The following TSHZ3 variants were observed in gnomAD, a reference collection of about 807,000 sequenced individuals.
TSHZ3 encodes teashirt homolog 3.
In TSHZ3, 10 loss-of-function variants were observed where a neutral mutation model predicts 64.5. The observed-to-expected ratio is 0.16, with a 90% CI of 0.10 to 0.26. TSHZ3 has a LOEUF of 0.26. TSHZ3 is among the 10% of genes least tolerant of loss of function. The pLI is 1.00. For synonymous variants in TSHZ3, 608 were observed against 593.1 expected (o/e 1.03, Z -0.36); for missense variants, 1,242 against 1,421.7 (o/e 0.87, Z 2.03).
At chr19:31,241,307 T>G (rs1975685846) in intron 3 of TSHZ3, among the ~76,000 whole-genome samples, 1 of 152,184 alleles carries the variant, frequency 6.6e-6, no homozygotes, top group Non-Finnish European at 1.5e-5. Flanking sequence ...GGGCTTCAAT[T>G]TGGACTCTGT....
intron 4 of TSHZ3, among the ~76,000 whole-genome samples, chr19:31,206,282 T>C (rs1055344351): frequency 3.3e-5 from 5 of 151,148 alleles, no homozygotes; most frequent in African/African-American, 9.7e-5. Context: ...GATACGTAGA[T>C]GGATGGATGG....
intron 4 of TSHZ3, among the ~76,000 whole-genome samples, chr19:31,213,610 G>T (rs1018826981): frequency 6.6e-6 from 1 of 152,120 alleles, no homozygotes; most frequent in Non-Finnish European, 1.5e-5. Context: ...TTGTAACAAA[G>T]GTACCACCCT....
At chr19:31,298,768 G>A (rs1003846062) in intron 1 of TSHZ3, among the ~76,000 whole-genome samples, 1 of 151,746 alleles carries the variant, frequency 6.6e-6, no homozygotes, top group Non-Finnish European at 1.5e-5. Flanking sequence ...GACACAGAAC[G>A]AGGACTGGAA....
chr19:31,349,140 G>T, intron 1 of TSHZ3, 40 bp downstream of exon 1: 1 of 1,532,232 alleles, frequency 6.5e-7, no homozygotes. Flanking sequence ...AGCGGAGGAA[G>T]AGGAGGAGGA....
intron 5 of TSHZ3, among the ~76,000 whole-genome samples, chr19:31,189,713 T>G (rs1352025692): frequency 6.6e-6 from 1 of 152,140 alleles, no homozygotes; most frequent in Non-Finnish European, 1.5e-5. Context: ...ATAAAGTTGT[T>G]GGGTGTCACA....
chr19:31,233,534 GT>G (rs945625864), intron 3 of TSHZ3, among the ~76,000 whole-genome samples: 1 of 152,114 alleles, frequency 6.6e-6, no homozygotes, highest in Non-Finnish European at 1.5e-5. Context: ...CCAGTCTGTG[GT>G]TTGTTATGTC....
intron 1 of TSHZ3, among the ~76,000 whole-genome samples, chr19:31,303,286 G>A (rs1976784179): frequency 6.6e-6 from 1 of 152,208 alleles, no homozygotes; most frequent in Non-Finnish European, 1.5e-5. Flanking sequence ...CCTGAGTGTT[G>A]TAAAGGGACC....
intron 1 of TSHZ3, among the ~76,000 whole-genome samples, chr19:31,309,463 A>C (rs1422193280): frequency 4.6e-5 from 7 of 152,172 alleles, no homozygotes; most frequent in Non-Finnish European, 1.0e-4. Flanking sequence ...CATGGAATGG[A>C]GACATCAGCA....
At chr19:31,222,054 A>C (rs144511585) in intron 4 of TSHZ3, among the ~76,000 whole-genome samples, 1 of 152,158 alleles carries the variant, frequency 6.6e-6, no homozygotes, top group Non-Finnish European at 1.5e-5. Flanking sequence ...CCCCAGCTAT[A>C]CCTTGGTTGC....
exon 7 of TSHZ3, among the ~76,000 whole-genome samples, chr19:31,151,551 G>A (rs1038007776): frequency 4.6e-5 from 7 of 152,130 alleles, no homozygotes; most frequent in Non-Finnish European, 1.0e-4. Flanking sequence ...TCTACTATAT[G>A]ACAGCAGCTG....
intron 1 of TSHZ3, among the ~76,000 whole-genome samples, chr19:31,303,237 G>A (rs376281679): frequency 5.6e-4 from 86 of 152,280 alleles, no homozygotes; most frequent in African/African-American, 2.0e-3. Context: ...CCATCTCTCT[G>A]GGAAGAGACT....
At chr19:31,308,776 C>A in intron 1 of TSHZ3, 1 of 398,260 alleles carries the variant, frequency 2.5e-6, no homozygotes, top group South Asian at 1.3e-4. Flanking sequence ...TGTGTCTGCT[C>A]AGATTCAGAT....
At chr19:31,165,363 T>A (rs527904308) in intron 5 of TSHZ3, among the ~76,000 whole-genome samples, 8 of 152,086 alleles carry the variant, frequency 5.3e-5, no homozygotes, top group Non-Finnish European at 1.0e-4. Flanking sequence ...CCCCACTGTG[T>A]CCTTTTAAAA....
intron 5 of TSHZ3, among the ~76,000 whole-genome samples, chr19:31,188,812 G>A (rs1974855625): frequency 6.6e-6 from 1 of 151,812 alleles, no homozygotes; most frequent in African/African-American, 2.4e-5. Flanking sequence ...CATCAAAACA[G>A]GGGTGATGTG....
intron 1 of TSHZ3, among the ~76,000 whole-genome samples, chr19:31,290,999 C>T (rs1389785538): frequency 6.6e-6 from 1 of 152,248 alleles, no homozygotes; most frequent in Non-Finnish European, 1.5e-5. Context: ...AGCTGCAATG[C>T]TTTCATCCCA....
chr19:31,188,823 T>C (rs1205373603), intron 5 of TSHZ3, among the ~76,000 whole-genome samples: 2 of 151,956 alleles, frequency 1.3e-5, no homozygotes, highest in Non-Finnish European at 2.9e-5. Flanking sequence ...GGGTGATGTG[T>C]TCCTTTCTTC....
At chr19:31,159,156 C>T (rs1490071603) in intron 5 of TSHZ3, among the ~76,000 whole-genome samples, 1 of 152,176 alleles carries the variant, frequency 6.6e-6, no homozygotes, top group Non-Finnish European at 1.5e-5. Flanking sequence ...CCCATCACCA[C>T]ACCCAGCTAA....
chr19:31,156,171 A>G (rs530954708), intron 6 of TSHZ3, among the ~76,000 whole-genome samples: 51 of 152,334 alleles, frequency 3.3e-4, no homozygotes, highest in African/African-American at 1.2e-3. Flanking sequence ...TATATGCTCT[A>G]GAATGTATGC....
At chr19:31,163,502 T>C (rs1974397913) in intron 5 of TSHZ3, among the ~76,000 whole-genome samples, 1 of 152,008 alleles carries the variant, frequency 6.6e-6, no homozygotes, top group South Asian at 2.1e-4. Context: ...GAGGCCGAGG[T>C]GGGCGGATCA....
Sources: gnomAD v4.1 joint callset for allele counts (sites outside exome capture counted in the v4.1 genomes callset) on GRCh38, gnomAD v4.1.1 for gene constraint, MANE v1.5 for transcripts, NCBI Gene and HGNC (gene_info 2026-07-23, HGNC 2026-07-21) for gene names.